Variants in FOXP1 observed in about 807,000 individuals in gnomAD.
FOXP1 encodes the protein forkhead box protein P1.
In FOXP1, 15 loss-of-function variants were observed where a neutral mutation model predicts 98.2. The observed-to-expected ratio is 0.15, with a 90% CI of 0.10 to 0.24. The LOEUF is 0.24. Ranked by LOEUF, FOXP1 falls within the 10% of genes least tolerant of loss-of-function variation. The pLI, the probability that FOXP1 is intolerant of heterozygous loss-of-function variation, is 1.00. For missense variants in FOXP1, 633 were observed against 848.5 expected (o/e 0.75, Z 3.15); for synonymous variants, 371 against 314.5 (o/e 1.18, Z -1.90).
intron 12 of FOXP1, among the ~76,000 whole-genome samples, chr3:71,006,905 G>A (rs529043108): frequency 3.3e-5 from 5 of 152,072 alleles, no homozygotes; most frequent in South Asian, 4.2e-4. Flanking sequence ...AAAAAAATGC[G>A]TTCAAATGTT....
intron 3 of FOXP1, among the ~76,000 whole-genome samples, chr3:71,463,947 G>A (rs956329932): frequency 3.3e-5 from 5 of 152,190 alleles, no homozygotes; most frequent in Admixed American, 1.3e-4. Flanking sequence ...TGCAAAGGCT[G>A]AGTGTCCAGT....
chr3:71,488,510 C>T (rs1401283288), intron 3 of FOXP1, among the ~76,000 whole-genome samples: 2 of 152,290 alleles, frequency 1.3e-5, no homozygotes, highest in South Asian at 2.1e-4. Flanking sequence ...TCCTGAATTA[C>T]TACATTACTA....
chr3:71,549,262 T>C (rs1238859227), intron 2 of FOXP1, among the ~76,000 whole-genome samples: 1 of 152,220 alleles, frequency 6.6e-6, no homozygotes, highest in Non-Finnish European at 1.5e-5. Context: ...CCTTCTCCCC[T>C]ACCTAGTGTT....
rs185572783 is a variant in FOXP1, at chr3:71,264,892, G to T, written c.-12+34928C>A. 1.8e-3 allele frequency among the ~76,000 whole-genome samples: 277 copies of T among 152,248 alleles called. 1 individual carries two copies. The highest frequency in any genetic ancestry group is 3.7e-3 in the Admixed American group (57 of 15,298). ...TCTCACAGCTACTTTTTAAAAATGG[G>T]TACCATTTCCCCCTATCATACAGTT... On this transcript the variant is annotated intron_variant, in intron 5 of 20. Transcript: ENST00000649528.
intron 2 of FOXP1, among the ~76,000 whole-genome samples, chr3:71,548,769 C>A (rs556757153): frequency 2.4e-4 from 36 of 151,792 alleles, no homozygotes; most frequent in Admixed American, 9.2e-4. Flanking sequence ...CCTTTACCCC[C>A]CCAAAAGAAA....
chr3:71,158,147 AGGAGGGAGGGAGGCAG>A (rs796889869), intron 6 of FOXP1, among the ~76,000 whole-genome samples: 447 of 20,660 alleles, frequency 0.022, 15 homozygotes, highest in African/African-American at 0.055. Flanking sequence ...GAGGCAGGGA[AGGAGGGAGGGAGGCAG>A]GGAAGGAAGG....
intron 11 of FOXP1, among the ~76,000 whole-genome samples, chr3:71,019,139 C>T (rs528268612): frequency 8.4e-4 from 127 of 151,926 alleles, no homozygotes; most frequent in Middle Eastern, 6.8e-3. Context: ...CCTTTTGGGT[C>T]GTGCCAAAAA....
chr3:70,972,341 C>T lies in FOXP1; in HGVS notation c.1652+214G>A, dbSNP rs1179643542. 1.3e-5 allele frequency: 11 copies of T among 873,730 alleles called. No individual in the cohort carries two copies. The Middle Eastern group carries it at 6.9e-4, about 54-fold the overall frequency. The allele number at this position is 873,730 out of a possible 1,614,324, so 54.1% of individuals were successfully genotyped here. A position where few individuals can be genotyped will look rare whatever the true frequency, so the allele number is the denominator to read the frequency against. ...GTTAATATGCATTGCCACCTAAAAG[C>T]TACTAGCATGTGATGCAACAAAGAC... On this transcript the variant is annotated intron_variant, in intron 18 of 20. Transcript: ENST00000649528.
chr3:70,988,849 CAT>C (rs1491320014), intron 13 of FOXP1, among the ~76,000 whole-genome samples: 9 of 152,246 alleles, frequency 5.9e-5, no homozygotes, highest in African/African-American at 1.7e-4. Context: ...ATAGGGGACA[CAT>C]AACGATTACT....
chr3:70,973,835 G>GCCCCCCCCCCCCCCCCCCCCCCCC (rs56950015), intron 17 of FOXP1, among the ~76,000 whole-genome samples: 40 of 36,728 alleles, frequency 1.1e-3, no homozygotes, highest in South Asian at 2.0e-3. Context: ...TTTGCACACC[G>GCCCCCCCCCCCCCCCCCCCCCCCC]CCCCCCCCCC....
chr3:71,405,155 A>T (rs1343948477), intron 3 of FOXP1, among the ~76,000 whole-genome samples: 1 of 152,136 alleles, frequency 6.6e-6, no homozygotes, highest in Non-Finnish European at 1.5e-5. Flanking sequence ...CCCCAAACTC[A>T]CAGTGAGCCT....
intron 4 of FOXP1, among the ~76,000 whole-genome samples, chr3:71,306,508 C>T (rs910651145): frequency 1.3e-5 from 2 of 149,410 alleles, no homozygotes; most frequent in South Asian, 2.1e-4. Context: ...TCTGTACCTA[C>T]AAAGATCTGT....
At chr3:71,224,926 GCACAT>G (rs1306184563) in intron 5 of FOXP1, among the ~76,000 whole-genome samples, 3 of 152,158 alleles carry the variant, frequency 2.0e-5, no homozygotes, top group Admixed American at 2.0e-4. Flanking sequence ...CCAGGACTTG[GCACAT>G]CACAGTCAAT....
At chr3:71,515,454 C>T (rs926012698) in intron 2 of FOXP1, among the ~76,000 whole-genome samples, 2 of 56,412 alleles carry the variant, frequency 3.5e-5, no homozygotes, top group African/African-American at 1.3e-4. Flanking sequence ...AAAAAAAAAA[C>T]TGCACATTTA....
intron 2 of FOXP1, chr3:71,572,620 A>G (rs894161721): frequency 1.3e-5 from 2 of 152,236 alleles, no homozygotes; most frequent in African/African-American, 4.8e-5. Flanking sequence ...CTGTACATGC[A>G]TACATATTAA....
At chr3:71,150,100 C>G (rs112099753) in intron 6 of FOXP1, among the ~76,000 whole-genome samples, 15 of 152,312 alleles carry the variant, frequency 9.8e-5, no homozygotes, top group African/African-American at 3.4e-4. Flanking sequence ...AATTGCTTGA[C>G]GCAGATTCTG....
intron 5 of FOXP1, among the ~76,000 whole-genome samples, chr3:71,275,759 C>A (rs192433105): frequency 6.6e-6 from 1 of 152,296 alleles, no homozygotes; most frequent in African/African-American, 2.4e-5. Context: ...ATTAGAGTTA[C>A]ACAATGTAGT....
At chr3:71,024,874 C>G (rs550401207) in intron 11 of FOXP1, among the ~76,000 whole-genome samples, 1 of 152,116 alleles carries the variant, frequency 6.6e-6, no homozygotes. Context: ...TTTGTTCCCC[C>G]CTTCTTTCTT....
intron 3 of FOXP1, among the ~76,000 whole-genome samples, chr3:71,388,897 A>G (rs149570866): frequency 0.013 from 1,986 of 150,132 alleles, 36 homozygotes; most frequent in Non-Finnish European, 0.019. Flanking sequence ...TGGTCTTTAT[A>G]GTAACACACT....
Sources: gnomAD v4.1 joint callset for allele counts (sites outside exome capture counted in the v4.1 genomes callset) on GRCh38, gnomAD v4.1.1 for gene constraint, MANE v1.5 for transcripts, NCBI Gene and HGNC (gene_info 2026-07-23, HGNC 2026-07-21) for gene names.